The following NSF variants were observed in gnomAD, a reference collection of about 807,000 sequenced individuals.
NSF encodes vesicle-fusing ATPase.
NSF carries 14 observed loss-of-function variants against 50.3 expected under a neutral mutation model. That is an observed-to-expected ratio of 0.28 (90% CI 0.18 to 0.44). NSF has a LOEUF of 0.44. Among genes scored for constraint, NSF ranks in the 20% least tolerant of loss-of-function variants. The pLI is 1.00. For missense variants in NSF, 218 were observed against 504.3 expected (o/e 0.43, Z 5.44); for synonymous variants, 109 against 175.7 (o/e 0.62, Z 3.00).
chr17:46,734,680 C>T (rs1048727357), intron 17 of NSF, among the ~76,000 whole-genome samples: 2 of 152,024 alleles, frequency 1.3e-5, no homozygotes, highest in Admixed American at 6.6e-5. Context: ...CCTTTGTAAA[C>T]CTGTGGACTA....
intron 1 of NSF, among the ~76,000 whole-genome samples, chr17:46,610,099 TTCTCTCTC>T (rs369452486): frequency 3.1e-3 from 279 of 89,472 alleles, no homozygotes; most frequent in African/African-American, 0.012. Context: ...TTTTCTCTCT[TTCTCTCTC>T]TCTCTCTCTC....
rs1187261948 is a variant in NSF at position 46,655,874 on chromosome 17, C to T, written c.745+12615C>T. 2.5e-5 allele frequency among the ~76,000 whole-genome samples: 2 copies of T among 78,442 alleles called. 1 individual carries two copies. The highest frequency in any genetic ancestry group is 4.5e-5 in the Non-Finnish European group (2 of 44,414). 51.5% of individuals were successfully genotyped at this position (78,442 alleles called of 152,430 possible). Reference sequence around the variant, plus strand: ...TAGTTTATTGCCACAGTCAAAAGATCGAACCCTTTTTTTTCATGTTATCTA... The same window carrying T: ...TAGTTTATTGCCACAGTCAAAAGATTGAACCCTTTTTTTTCATGTTATCTA... On this transcript the variant is annotated intron_variant, in intron 8 of 20. Coordinates refer to ENST00000398238, the MANE Select transcript of NSF (RefSeq NM_006178.4).
chr17:46,685,413 G>T (rs1296126219), intron 9 of NSF, among the ~76,000 whole-genome samples: 3 of 151,672 alleles, frequency 2.0e-5, no homozygotes, highest in Non-Finnish European at 4.4e-5. Context: ...ATATATATGT[G>T]TGTTACATAA....
intron 17 of NSF, among the ~76,000 whole-genome samples, chr17:46,746,166 ATGTC>A (rs2059125921): frequency 1.3e-5 from 2 of 152,204 alleles, no homozygotes; most frequent in Admixed American, 1.3e-4. Context: ...AACTTGGTAA[ATGTC>A]TGATGATAAG....
intron 17 of NSF, among the ~76,000 whole-genome samples, chr17:46,734,232 ATC>A (rs1213819771): frequency 6.6e-6 from 1 of 152,234 alleles, no homozygotes; most frequent in Non-Finnish European, 1.5e-5. Flanking sequence ...AAACATGAGT[ATC>A]TCTCCATCTA....
At chr17:46,681,649 C>G in intron 9 of NSF, among the ~76,000 whole-genome samples, 1 of 132,976 alleles carries the variant, frequency 7.5e-6, no homozygotes, top group Non-Finnish European at 1.6e-5. Context: ...TAAATATTCC[C>G]TTTATAGCAA....
Position 46,630,976 on chromosome 17 carries a change from T to C in NSF, c.238+526T>C, listed in dbSNP as rs1160909057. Among the ~76,000 whole-genome samples, 43 of 138,048 alleles carry C rather than the reference T, an allele frequency of 3.1e-4. 1 individual carries two copies. Among genetic ancestry groups the C allele is most frequent in the Admixed American group, 7.5e-5 (1 of 13,276 alleles). The allele number at this position is 138,048 out of a possible 152,430, so 90.6% of individuals were successfully genotyped here. ...AATAATACGAAGAATTTCTGTATAC[T>C]ACCTTTACCCAGCTTTACCAATTGT... is the stretch of plus-strand genomic sequence containing the variant. On this transcript the variant is annotated intron_variant, in intron 4 of 20. Coordinates refer to ENST00000398238, the MANE Select transcript of NSF (RefSeq NM_006178.4).
At chr17:46,711,211 C>T (rs921751072) in intron 14 of NSF, 92 bp downstream of exon 14, 1 of 1,216,372 alleles carries the variant, frequency 8.2e-7, no homozygotes, top group Non-Finnish European at 1.1e-6. Flanking sequence ...AAAGTGAATT[C>T]TTTTTCGTTT....
At chr17:46,736,506 C>G (rs2059006545) in intron 17 of NSF, among the ~76,000 whole-genome samples, 1 of 152,224 alleles carries the variant, frequency 6.6e-6, no homozygotes, top group Non-Finnish European at 1.5e-5. Flanking sequence ...ACTCCTTACC[C>G]TGTTAATCTT....
chr17:46,714,030 G>A (rs775958641), intron 15 of NSF, 44 bp downstream of exon 15: 9 of 1,500,558 alleles, frequency 6.0e-6, no homozygotes, highest in South Asian at 5.1e-5. Flanking sequence ...TCTCTTAAAT[G>A]TGTGTGTGTG....
At chr17:46,709,947 G>A (rs538628) in intron 13 of NSF, among the ~76,000 whole-genome samples, 5 of 152,018 alleles carry the variant, frequency 3.3e-5, no homozygotes, top group African/African-American at 4.8e-5. Flanking sequence ...AAGAGACTAC[G>A]TAAAAAGTGG....
chr17:46,743,256 T>A (rs1279585014), intron 17 of NSF, among the ~76,000 whole-genome samples: 1 of 152,140 alleles, frequency 6.6e-6, no homozygotes, highest in Admixed American at 6.5e-5. Flanking sequence ...GAGAGGGATT[T>A]TCAGGCATCC....
At chr17:46,746,457 C>G (rs1432693998) in intron 17 of NSF, among the ~76,000 whole-genome samples, 1 of 152,154 alleles carries the variant, frequency 6.6e-6, no homozygotes, top group Non-Finnish European at 1.5e-5. Flanking sequence ...GTTTACCAAA[C>G]CCAAATTGAA....
At chr17:46,728,730 T>C (rs1227105041) in intron 16 of NSF, 125 bp from the exon 17 acceptor site, 1 of 509,734 alleles carries the variant, frequency 2.0e-6, no homozygotes, top group Non-Finnish European at 3.3e-6. Flanking sequence ...TTTCTTATTC[T>C]ATACATATTC....
intron 15 of NSF, among the ~76,000 whole-genome samples, chr17:46,716,582 T>C (rs2058772751): frequency 1.3e-5 from 2 of 152,104 alleles, no homozygotes; most frequent in Non-Finnish European, 1.5e-5. Flanking sequence ...AGTGTGAGGA[T>C]GGAAAGAAGA....
intron 19 of NSF, 133 bp downstream of exon 19, chr17:46,751,749 T>C: frequency 1.8e-6 from 1 of 563,102 alleles, no homozygotes; most frequent in Non-Finnish European, 3.1e-6. Context: ...CCAAACTTAA[T>C]TTGGTATTAG....
chr17:46,751,926 A>G (rs115092678), intron 19 of NSF, among the ~76,000 whole-genome samples: 148,376 of 152,276 alleles, frequency 0.97, 72,379 homozygotes, highest in East Asian at 1. Flanking sequence ...TTTTGGAGAT[A>G]AGGATACTAT....
At chr17:46,655,928 G>A (rs1598659739) in intron 8 of NSF, among the ~76,000 whole-genome samples, 2 of 107,550 alleles carry the variant, frequency 1.9e-5, no homozygotes, top group Non-Finnish European at 1.8e-5. Flanking sequence ...AAAAAAAAAA[G>A]GAATGGGTTG....
At chr17:46,739,199 C>T (rs917187048) in intron 17 of NSF, among the ~76,000 whole-genome samples, 7 of 151,874 alleles carry the variant, frequency 4.6e-5, no homozygotes, top group African/African-American at 7.3e-5. Context: ...GTGAAACCCC[C>T]GCCTCTACTA....
Sources: allele counts gnomAD v4.1 joint callset (sites outside exome capture counted in the v4.1 genomes callset), GRCh38; gene constraint gnomAD v4.1.1; transcripts MANE v1.5; gene names NCBI Gene and HGNC (gene_info 2026-07-23, HGNC 2026-07-21).